Variants in CCDC80 observed in about 807,000 individuals in gnomAD.
CCDC80 encodes the protein coiled-coil domain-containing protein 80.
A neutral mutation model predicts 78.7 loss-of-function variants in CCDC80; 49 were observed. The ratio of observed to expected loss-of-function variants is 0.62; its 90% CI spans 0.50 to 0.79. CCDC80 has a LOEUF of 0.79. Ranked by LOEUF, CCDC80 falls within the 30% of genes least tolerant of loss-of-function variation. The pLI is 0.00. For synonymous variants in CCDC80, 488 were observed against 447.0 expected (o/e 1.09, Z -1.16); for missense variants, 1,205 against 1,198.6 (o/e 1.01, Z -0.08).
intron 2 of CCDC80, among the ~76,000 whole-genome samples, chr3:112,635,867 T>C (rs1312031485): frequency 6.6e-6 from 1 of 152,164 alleles, no homozygotes. Flanking sequence ...AAAAGCAGGA[T>C]TGGCCCAGCT....
chr3:112,622,822 A>T (rs1935893227), intron 3 of CCDC80, among the ~76,000 whole-genome samples: 1 of 118,902 alleles, frequency 8.4e-6, no homozygotes, highest in African/African-American at 3.5e-5. Flanking sequence ...TGCCCAGCTA[A>T]TTTTTTTTTT....
In CCDC80 at chr3:112,638,149, T is replaced by C; in HGVS notation, c.1757A>G (p.Lys586Arg). The C allele has an allele frequency of 6.2e-7, 1 of 1,614,216 alleles. No homozygotes were observed. The highest frequency in any genetic ancestry group is 1.1e-5 in the South Asian group (1 of 91,082). Reference sequence around the variant, plus strand: ...ATCCTGTTCTGTTTTACCTCCTTTTTTCTTCTTGCTCTTCTCTTTCTCTTG... The same window carrying C: ...ATCCTGTTCTGTTTTACCTCCTTTTCTCTTCTTGCTCTTCTCTTTCTCTTG... ...SKQEKEKSKK[K>R]KGGKTEQDGY... Residue 586 changes from lysine (K) to arginine (R), a missense_variant, in exon 2 of 8, where the codon AAA becomes AGA. Lys to Arg is a conservative substitution (Grantham distance 26). Transcript: ENST00000206423.
chr3:112,625,311 C>T (rs1935943535), intron 3 of CCDC80, among the ~76,000 whole-genome samples: 1 of 152,172 alleles, frequency 6.6e-6, no homozygotes, highest in African/African-American at 2.4e-5. Context: ...GTTGTTGGAA[C>T]TGCAACATGA....
At chr3:112,613,550 T>C (rs532763367) in intron 5 of CCDC80, among the ~76,000 whole-genome samples, 1 of 152,284 alleles carries the variant, frequency 6.6e-6, no homozygotes, top group African/African-American at 2.4e-5. Flanking sequence ...TATAAGCTTT[T>C]GTGAATGAAG....
At chr3:112,612,074 A>T (rs1409838081) in intron 5 of CCDC80, among the ~76,000 whole-genome samples, 1 of 151,100 alleles carries the variant, frequency 6.6e-6, no homozygotes, top group Non-Finnish European at 1.5e-5. Context: ...AAAGGGAAAG[A>T]AAAACTAAAA....
At position 112,603,550 on chromosome 3, in the gene CCDC80, AT is replaced by A. The variant is rs937738304; in HGVS notation, c.*1866del. The stretch of plus-strand genomic sequence containing the variant: ...TATATATATATAATATATATTATAT[AT>A]TTTATATATGTATATAAAATATATA... On this transcript the variant is annotated 3_prime_UTR_variant, in exon 8 of 8. Coordinates refer to ENST00000206423, the MANE Select transcript of CCDC80 (RefSeq NM_199511.3). 89 of 146,904 alleles carry A rather than the reference AT, an allele frequency of 6.1e-4. 1 individual carries two copies. The highest frequency in any genetic ancestry group is 2.2e-3 in the African/African-American group (89 of 40,276). The allele number at this position is 146,904 out of a possible 1,614,324, so 9.1% of individuals were successfully genotyped here. A position where few individuals can be genotyped will look rare whatever the true frequency, so the allele number is the denominator to read the frequency against.
In CCDC80 at chr3:112,598,589, T is replaced by C. The variant is rs987953908; in HGVS notation, c.*6828A>G. The C allele has an allele frequency of 3.3e-5, 5 of 152,300 alleles. No homozygotes were observed. The highest frequency in any genetic ancestry group is 5.9e-5 in the Non-Finnish European group (4 of 68,112). 9.4% of individuals were successfully genotyped at this position (152,300 alleles called of 1,614,324 possible). A position where few individuals can be genotyped will look rare whatever the true frequency, so the allele number is the denominator to read the frequency against. ...GTATCAGCCCATGGATTGGGAGGTGTAGGACCATTCTTTTTCTTTCTGGAA... is the reference window on the plus strand; with the variant it reads ...GTATCAGCCCATGGATTGGGAGGTGCAGGACCATTCTTTTTCTTTCTGGAA... On this transcript the variant is annotated 3_prime_UTR_variant, in exon 8 of 8. Transcript: ENST00000206423.
chr3:112,612,561 C>T (rs966193010), intron 5 of CCDC80, among the ~76,000 whole-genome samples: 3 of 152,192 alleles, frequency 2.0e-5, no homozygotes, highest in African/African-American at 4.8e-5. Flanking sequence ...GAAACTGACC[C>T]AGACCCTTAT....
At position 112,597,271 on chromosome 3, in the gene CCDC80, A is replaced by G. The variant is rs549240040; in HGVS notation, c.*8146T>C. ...CCACGCCTCCTTCCTCCAATTAGGA[A>G]GCTAAGTGGGTAAGAAAGAAAAAAT... On this transcript the variant is annotated 3_prime_UTR_variant, in exon 8 of 8. Transcript: ENST00000206423. 3 of 152,208 alleles carry G rather than the reference A, an allele frequency of 2.0e-5. No homozygotes were observed. The highest frequency in any genetic ancestry group is 4.4e-5 in the Non-Finnish European group (3 of 68,032). 9.4% of individuals were successfully genotyped at this position (152,208 alleles called of 1,614,324 possible). A position where few individuals can be genotyped will look rare whatever the true frequency, so the allele number is the denominator to read the frequency against.
rs142225247 is a variant in CCDC80, at chr3:112,638,286, A to G, written c.1620T>C (p.His540=). 1.1e-5 allele frequency: 17 copies of G among 1,612,744 alleles called. No individual in the cohort carries two copies. In the African/African-American group the frequency reaches 1.9e-4, roughly 18 times the overall value. Residue 540 remains histidine (H), a synonymous_variant, in exon 2 of 8, where the codon CAT becomes CAC. Coordinates refer to ENST00000206423, the MANE Select transcript of CCDC80 (RefSeq NM_199511.3). ...CCTTCTCTGGTTTCTCAAGCTTTTC[A>G]TGCTTTTTAGACTCCTTTGCTTTTT... The part of the protein sequence containing the change: ...PLKKAKESKK[H]EKLEKPEKEK...
chr3:112,635,102 G>T (rs142790530), intron 2 of CCDC80, among the ~76,000 whole-genome samples: 100 of 152,310 alleles, frequency 6.6e-4, no homozygotes, highest in Middle Eastern at 3.4e-3. Context: ...CTCCTGTGAA[G>T]GCCTATAGGA....
intron 4 of CCDC80, among the ~76,000 whole-genome samples, chr3:112,617,951 C>T (rs897707308): frequency 6.6e-6 from 1 of 152,204 alleles, no homozygotes; most frequent in Non-Finnish European, 1.5e-5. Context: ...GGGAGCCAGC[C>T]TCTGTGGGAA....
intron 3 of CCDC80, among the ~76,000 whole-genome samples, chr3:112,623,017 C>T (rs549010753): frequency 1.3e-5 from 2 of 152,142 alleles, no homozygotes; most frequent in Admixed American, 1.3e-4. Context: ...AAACTGTCTA[C>T]ATACTCCTGA....
chr3:112,609,855 TG>T, intron 6 of CCDC80, 122 bp downstream of exon 6: 1 of 700,744 alleles, frequency 1.4e-6, no homozygotes, highest in Non-Finnish European at 2.4e-6. Context: ...AGTATGTGTC[TG>T]GAAACCTGAA....
In CCDC80 at chr3:112,639,112, G is replaced by C. The variant is rs779260599; in HGVS notation, c.794C>G (p.Pro265Arg). The C allele has an allele frequency of 6.2e-7, 1 of 1,614,112 alleles. No individual in the cohort carries two copies. The highest frequency in any genetic ancestry group is 1.3e-5 in the African/African-American group (1 of 75,030). ...EAMYEVIDQG[P>R]IRRIEKIRQK... is the part of the protein sequence containing the mutation. ...CCTGATCTTCTCGATCCTACGGATG[G>C]GGCCTTGGTCGATGACCTCGTACAT... Residue 265 changes from proline (P) to arginine (R), a missense_variant, in exon 2 of 8, where the codon CCC (proline) becomes CGC (arginine). Pro to Arg is a moderately radical substitution (Grantham distance 103, BLOSUM62 -2). Coordinates refer to ENST00000206423, the MANE Select transcript of CCDC80 (RefSeq NM_199511.3).
At chr3:112,625,881 C>A (rs1165125845) in intron 3 of CCDC80, among the ~76,000 whole-genome samples, 2 of 151,836 alleles carry the variant, frequency 1.3e-5, no homozygotes, top group African/African-American at 4.8e-5. Context: ...AAAAATTAAA[C>A]AAAAACAAAA....
At chr3:112,616,434 G>GAAAAAAAAAAAAAAAAA (rs138795484) in intron 5 of CCDC80, among the ~76,000 whole-genome samples, 1 of 35,926 alleles carries the variant, frequency 2.8e-5, no homozygotes, top group African/African-American at 8.3e-5. Flanking sequence ...CAAAGAAAGA[G>GAAAAAAAAAAAAAAAAA]AAAAAAAAAG....
chr3:112,614,675 T>C (rs1935696661), intron 5 of CCDC80, among the ~76,000 whole-genome samples: 2 of 152,202 alleles, frequency 1.3e-5, no homozygotes, highest in Admixed American at 1.3e-4. Context: ...AGGAAGAGCC[T>C]TGGGTTCCTT....
intron 2 of CCDC80, among the ~76,000 whole-genome samples, chr3:112,635,228 G>A (rs987530348): frequency 6.6e-6 from 1 of 152,324 alleles, no homozygotes; most frequent in South Asian, 2.1e-4. Context: ...AGCACTAAGG[G>A]TTTACAATAA....
Sources: gnomAD v4.1 joint callset for allele counts (sites outside exome capture counted in the v4.1 genomes callset) on GRCh38, gnomAD v4.1.1 for gene constraint, MANE v1.5 for transcripts, NCBI Gene and HGNC (gene_info 2026-07-23, HGNC 2026-07-21) for gene names.